The following SND1 variants were observed in gnomAD, a reference collection of about 807,000 sequenced individuals.
SND1 encodes the protein staphylococcal nuclease and tudor domain containing 1.
In SND1, 38 loss-of-function variants were observed where a neutral mutation model predicts 121.7. The ratio of observed to expected loss-of-function variants is 0.31; its 90% CI spans 0.24 to 0.41. SND1 has a LOEUF of 0.41. Among genes scored for constraint, SND1 ranks in the 10% least tolerant of loss-of-function variants. The probability of loss-of-function intolerance (pLI) is 1.00; values close to 1 mark genes in which losing one functional copy is unlikely to be tolerated. For missense variants in SND1, 868 were observed against 1,184.6 expected (o/e 0.73, Z 3.92); for synonymous variants, 401 against 447.4 (o/e 0.90, Z 1.31).
intron 14 of SND1, among the ~76,000 whole-genome samples, chr7:127,927,687 A>G (rs1800869872): frequency 6.6e-6 from 1 of 152,204 alleles, no homozygotes; most frequent in Non-Finnish European, 1.5e-5. Flanking sequence ...GGGAAGCATG[A>G]ATCTTAGTTA....
At chr7:127,690,880 G>A (rs780051072) in intron 2 of SND1, among the ~76,000 whole-genome samples, 2 of 152,136 alleles carry the variant, frequency 1.3e-5, no homozygotes. Context: ...ATCTTCACAT[G>A]ATTATTCTTT....
intron 10 of SND1, among the ~76,000 whole-genome samples, chr7:127,778,234 C>T (rs906924145): frequency 1.1e-4 from 16 of 148,166 alleles, no homozygotes; most frequent in Admixed American, 6.8e-4. Context: ...CTCGCTCTGT[C>T]GCCAGGCTGG....
At position 128,085,085 on chromosome 7, in the gene SND1, C is replaced by T. The variant is rs1212860015; in HGVS notation, c.2234+238C>T. Among the ~76,000 whole-genome samples the T allele has an allele frequency of 6.6e-6, 1 of 152,158 alleles. No homozygotes were observed. The highest frequency in any genetic ancestry group is 1.5e-5 in the Non-Finnish European group (1 of 68,010). The stretch of plus-strand genomic sequence containing the variant: ...CTCCTTCCTTGTCTCCTGGGGGATT[C>T]CAGGGTGGGAGCCCTTGCTGGCTGG... On this transcript the variant is annotated intron_variant, in intron 19 of 23. Coordinates refer to ENST00000354725, the MANE Select transcript of SND1 (RefSeq NM_014390.4). This position sits in a 1 kb window ranked among gnomAD's most constrained non-coding sequence, Gnocchi z 4.4.
chr7:127,864,507 C>T (rs548413984), intron 12 of SND1, among the ~76,000 whole-genome samples: 1 of 152,158 alleles, frequency 6.6e-6, no homozygotes, highest in South Asian at 2.1e-4. Context: ...TCAATGCTAC[C>T]TAAGTCTTGC....
chr7:127,755,290 A>G (rs1432451941), intron 10 of SND1, among the ~76,000 whole-genome samples: 1 of 152,166 alleles, frequency 6.6e-6, no homozygotes, highest in Non-Finnish European at 1.5e-5. Context: ...AACTGCCCCT[A>G]CCTCTGTTCA....
intron 5 of SND1, among the ~76,000 whole-genome samples, 156 bp from the exon 6 acceptor site, chr7:127,702,279 A>C (rs1796118295): frequency 6.6e-6 from 1 of 152,074 alleles, no homozygotes; most frequent in African/African-American, 2.4e-5. Context: ...TGTTATGTAA[A>C]CTCTCATGAT....
intron 10 of SND1, among the ~76,000 whole-genome samples, chr7:127,761,821 T>TC (rs1797310639): frequency 6.6e-6 from 1 of 152,218 alleles, no homozygotes; most frequent in Admixed American, 6.5e-5. Context: ...AGGTGCATCT[T>TC]CCGTATAGCA....
intron 10 of SND1, among the ~76,000 whole-genome samples, chr7:127,798,088 TA>T (rs1798058860): frequency 6.6e-6 from 1 of 152,200 alleles, no homozygotes. Flanking sequence ...AATGGTACTT[TA>T]ATTTCAGGGT....
At chr7:127,756,805 A>G (rs193196425) in intron 10 of SND1, among the ~76,000 whole-genome samples, 2 of 152,362 alleles carry the variant, frequency 1.3e-5, no homozygotes, top group African/African-American at 2.4e-5. Flanking sequence ...ATATATTTGC[A>G]CAACGGTACA....
At chr7:127,774,817 G>A (rs1797585156) in intron 10 of SND1, among the ~76,000 whole-genome samples, 1 of 152,150 alleles carries the variant, frequency 6.6e-6, no homozygotes, top group Non-Finnish European at 1.5e-5. Flanking sequence ...GACCTCAGGT[G>A]ATCTGCCCAC....
At chr7:127,702,071 C>A (rs1796114565) in intron 5 of SND1, among the ~76,000 whole-genome samples, 1 of 152,166 alleles carries the variant, frequency 6.6e-6, no homozygotes, top group Non-Finnish European at 1.5e-5. Context: ...TGAGACCTTG[C>A]TAACTGCAGA....
intron 16 of SND1, among the ~76,000 whole-genome samples, chr7:128,033,852 A>G (rs1466329884): frequency 6.6e-6 from 1 of 152,184 alleles, no homozygotes. Context: ...GATTCCCCAA[A>G]GTATTCTCCT....
intron 15 of SND1, among the ~76,000 whole-genome samples, chr7:127,933,097 A>G (rs1021065936): frequency 2.0e-5 from 3 of 152,244 alleles, no homozygotes; most frequent in Non-Finnish European, 4.4e-5. Context: ...ACATGGCCAC[A>G]AATGTATAGG....
At chr7:127,839,090 T>A (rs1332787354) in intron 11 of SND1, among the ~76,000 whole-genome samples, 1 of 152,234 alleles carries the variant, frequency 6.6e-6, no homozygotes, top group Non-Finnish European at 1.5e-5. Context: ...CTGGCTGTTC[T>A]GAAGTGTCCG....
At chr7:127,654,150 C>T (rs1210592904) in intron 1 of SND1, among the ~76,000 whole-genome samples, 1 of 152,188 alleles carries the variant, frequency 6.6e-6, no homozygotes, top group African/African-American at 2.4e-5. Flanking sequence ...TTTGTTTCCG[C>T]CAATGCTGGA....
intron 15 of SND1, among the ~76,000 whole-genome samples, chr7:127,951,333 T>C (rs1028627670): frequency 6.6e-6 from 1 of 152,176 alleles, no homozygotes; most frequent in Non-Finnish European, 1.5e-5. Context: ...AGGACAAATA[T>C]TGCATGATTC....
chr7:128,030,295 C>T, intron 16 of SND1: 1 of 1,614,178 alleles, frequency 6.2e-7, no homozygotes, highest in Non-Finnish European at 8.5e-7. Context: ...AAGGCCCCCA[C>T]CTCAATCTGC....
rs995998621 is a variant in SND1 at position 128,015,904 on chromosome 7, G to C, written c.1779+24848G>C. The stretch of plus-strand genomic sequence containing the variant: ...TCCTGGGGCAGCAGCCTACCATGCT[G>C]CCCCTTCCACTTTAGATAGGGCCAT... On this transcript the variant is annotated intron_variant, in intron 16 of 23. Transcript: ENST00000354725. This position sits in a 1 kb window ranked among gnomAD's most constrained non-coding sequence, Gnocchi z 4.5. 9.2e-5 allele frequency among the ~76,000 whole-genome samples: 14 copies of C among 152,094 alleles called. No homozygotes were observed. The highest frequency in any genetic ancestry group is 1.6e-4 in the Non-Finnish European group (11 of 68,030).
chr7:127,796,890 C>CTTTTTTTTTTT (rs36078891), intron 10 of SND1, among the ~76,000 whole-genome samples: 2 of 102,088 alleles, frequency 2.0e-5, no homozygotes, highest in Non-Finnish European at 3.8e-5. Flanking sequence ...TTTCCTGAGT[C>CTTTTTTTTTTT]TTTTTTTTTT....
Sources: allele counts gnomAD v4.1 joint callset (sites outside exome capture counted in the v4.1 genomes callset), GRCh38; gene constraint gnomAD v4.1.1; non-coding constraint Gnocchi (gnomAD v3.1); transcripts MANE v1.5; gene names NCBI Gene and HGNC (gene_info 2026-07-23, HGNC 2026-07-21).